The following PAX7 variants were observed in gnomAD, a reference collection of about 807,000 sequenced individuals.
The protein encoded by PAX7 is paired box 7, also known as paired box protein Pax-7.
A neutral mutation model predicts 50.7 loss-of-function variants in PAX7; 18 were observed. That is an observed-to-expected ratio of 0.36 (90% CI 0.25 to 0.53). PAX7 has a LOEUF of 0.53. PAX7 is among the 20% of genes least tolerant of loss of function. The pLI, the probability that PAX7 is intolerant of heterozygous loss-of-function variation, is 0.93. For missense variants in PAX7, 644 were observed against 702.9 expected (o/e 0.92, Z 0.95); for synonymous variants, 310 against 290.4 (o/e 1.07, Z -0.69).
chr1:18,636,767 G>A lies in PAX7; in HGVS notation c.586+396G>A, dbSNP rs1042215464. Reference sequence around the variant, plus strand: ...AAACTTGGGCAAGGGGGCGGGGGACGGGAGGGAGGGAGAGAGGAAGGAGGA... The same window carrying A: ...AAACTTGGGCAAGGGGGCGGGGGACAGGAGGGAGGGAGAGAGGAAGGAGGA... On this transcript the variant is annotated intron_variant, in intron 4 of 8. Transcript: ENST00000420770. The surrounding 1 kb of genome is among the most constrained non-coding windows in gnomAD (Gnocchi z 5.1). Among the ~76,000 whole-genome samples the A allele has an allele frequency of 6.6e-6, 1 of 152,014 alleles. No individual in the cohort carries two copies. The highest frequency in any genetic ancestry group is 6.5e-5 in the Admixed American group (1 of 15,274).
chr1:18,679,588 G>T (rs2088869097), intron 4 of PAX7, among the ~76,000 whole-genome samples: 1 of 152,144 alleles, frequency 6.6e-6, no homozygotes, highest in African/African-American at 2.4e-5. Context: ...GCCCCTTAGT[G>T]CCTCTAGCAT....
At chr1:18,684,190 A>G (rs2088941241) in intron 4 of PAX7, among the ~76,000 whole-genome samples, 1 of 152,154 alleles carries the variant, frequency 6.6e-6, no homozygotes, top group East Asian at 1.9e-4. Context: ...GTCCAGGAAG[A>G]GATGGGGTGG....
At chr1:18,638,434 C>T (rs1267010063) in intron 4 of PAX7, among the ~76,000 whole-genome samples, 1 of 152,188 alleles carries the variant, frequency 6.6e-6, no homozygotes, top group African/African-American at 2.4e-5. Context: ...AAAGTGGAGC[C>T]TGTGCCAGAT....
Position 18,698,618 on chromosome 1 carries a change from G to A in PAX7, c.787-2035G>A, listed in dbSNP as rs568093383. On this transcript the variant is annotated intron_variant, in intron 5 of 8. Coordinates refer to ENST00000420770, the MANE Select transcript of PAX7 (RefSeq NM_001135254.2). ...ACAAAGACCTCCTCACACCCTTCCC[G>A]CAGAGCCTGGAAGCTCGGAGGCAAG... is the stretch of plus-strand genomic sequence containing the variant. 3.9e-4 allele frequency among the ~76,000 whole-genome samples: 60 copies of A among 152,288 alleles called. No individual in the cohort carries two copies. The South Asian group carries it at 5.8e-3, about 15-fold the overall frequency.
At position 18,677,413 on chromosome 1, in the gene PAX7, G is replaced by T. The variant is rs553099847; in HGVS notation, c.587-14341G>T. On this transcript the variant is annotated intron_variant, in intron 4 of 8. Transcript: ENST00000420770. ...GAGTGGGTCTCTTTCATGGTGGCAT[G>T]ATCCTGAGACCCCTAGTTCCTGTTG... 5.9e-5 allele frequency among the ~76,000 whole-genome samples: 9 copies of T among 152,280 alleles called. No homozygotes were observed. The East Asian group carries it at 9.7e-4, about 16-fold the overall frequency.
intron 7 of PAX7, among the ~76,000 whole-genome samples, chr1:18,720,798 T>C (rs982487877): frequency 6.7e-6 from 1 of 149,542 alleles, no homozygotes; most frequent in African/African-American, 2.5e-5. Flanking sequence ...GGCAGAGCAA[T>C]GCGGAGGCAG....
At chr1:18,722,210 C>G (rs1387935799) in intron 7 of PAX7, among the ~76,000 whole-genome samples, 1 of 152,050 alleles carries the variant, frequency 6.6e-6, no homozygotes, top group Non-Finnish European at 1.5e-5. Flanking sequence ...GGAGTGGGGT[C>G]GTAATCAGAG....
At chr1:18,696,127 G>A (rs907828193) in intron 5 of PAX7, among the ~76,000 whole-genome samples, 10 of 147,926 alleles carry the variant, frequency 6.8e-5, no homozygotes, top group Middle Eastern at 3.5e-3. Flanking sequence ...GTGCAATGGC[G>A]CAGTCTCAGC....
intron 4 of PAX7, among the ~76,000 whole-genome samples, chr1:18,680,140 G>T (rs1248567366): frequency 6.6e-6 from 1 of 152,140 alleles, no homozygotes; most frequent in African/African-American, 2.4e-5. Flanking sequence ...GTGGGGGGCT[G>T]GGACAGTTGT....
intron 4 of PAX7, among the ~76,000 whole-genome samples, chr1:18,687,872 C>A (rs565629904): frequency 7.2e-5 from 11 of 152,162 alleles, no homozygotes; most frequent in African/African-American, 2.7e-4. Context: ...CCACGGAGTT[C>A]CCCAGATCCC....
chr1:18,689,772 G>A (rs1460117898), intron 4 of PAX7, among the ~76,000 whole-genome samples: 1 of 152,198 alleles, frequency 6.6e-6, no homozygotes, highest in Non-Finnish European at 1.5e-5. Flanking sequence ...CATGCCTTTT[G>A]ACACACCAGG....
chr1:18,723,082 T>G (rs1184085857), intron 7 of PAX7, among the ~76,000 whole-genome samples: 1 of 152,186 alleles, frequency 6.6e-6, no homozygotes, highest in Non-Finnish European at 1.5e-5. Context: ...CCCCCAAATG[T>G]GGCAGCAAGA....
chr1:18,713,423 G>A (rs1363147003), intron 7 of PAX7, among the ~76,000 whole-genome samples: 1 of 152,180 alleles, frequency 6.6e-6, no homozygotes, highest in East Asian at 1.9e-4. Context: ...CAACCCGCAG[G>A]CATACAGCAG....
intron 7 of PAX7, among the ~76,000 whole-genome samples, chr1:18,717,203 G>C (rs2100359387): frequency 6.6e-6 from 1 of 152,200 alleles, no homozygotes; most frequent in East Asian, 2.0e-4. Flanking sequence ...CCCGCTGCCC[G>C]GGCCTGGGAT....
chr1:18,695,335 C>T (rs1408604460), intron 5 of PAX7, among the ~76,000 whole-genome samples: 2 of 152,232 alleles, frequency 1.3e-5, no homozygotes, highest in Non-Finnish European at 2.9e-5. Context: ...GCTCCAGGTA[C>T]ATTCACCCAG....
chr1:18,744,501 C>T (rs57945917), intron 8 of PAX7, among the ~76,000 whole-genome samples: 3 of 20,682 alleles, frequency 1.5e-4, no homozygotes, highest in Admixed American at 8.1e-4. Flanking sequence ...GATGGATGGA[C>T]AGAGAATGGA....
chr1:18,705,740 G>A lies in PAX7; in HGVS notation c.1155+2444G>A, dbSNP rs111758529. Among the ~76,000 whole-genome samples, 55 of 152,330 alleles carry A rather than the reference G, an allele frequency of 3.6e-4. 2 individuals are homozygous for A. The South Asian group carries it at 5.8e-3, about 16-fold the overall frequency. ...CAAGGAGACTTCAGGGTTGGATGAC[G>A]TGTTTTCCATCCTCTCCTGGAAGTT... is the stretch of plus-strand genomic sequence containing the variant. On this transcript the variant is annotated intron_variant, in intron 7 of 8. Transcript: ENST00000420770.
At chr1:18,668,493 GA>G (rs1367684055) in intron 4 of PAX7, among the ~76,000 whole-genome samples, 3 of 152,170 alleles carry the variant, frequency 2.0e-5, no homozygotes, top group Admixed American at 2.0e-4. Context: ...TTGAGGTTAG[GA>G]GTTAGAGACA....
intron 7 of PAX7, among the ~76,000 whole-genome samples, chr1:18,730,002 A>G (rs1004216481): frequency 6.6e-6 from 1 of 152,074 alleles, no homozygotes; most frequent in Admixed American, 6.6e-5. Context: ...GCTCATTTCC[A>G]TCTCAGGCAA....
Sources: gnomAD v4.1 joint callset for allele counts (sites outside exome capture counted in the v4.1 genomes callset) on GRCh38, gnomAD v4.1.1 for gene constraint, Gnocchi (gnomAD v3.1) non-coding constraint, MANE v1.5 for transcripts, NCBI Gene and HGNC (gene_info 2026-07-23, HGNC 2026-07-21) for gene names.